The following TTN variants were observed in gnomAD, a reference collection of about 807,000 sequenced individuals.
The protein encoded by TTN is titin.
A neutral mutation model predicts 3,223.0 loss-of-function variants in TTN; 1,525 were observed. The ratio of observed to expected loss-of-function variants is 0.47; its 90% CI spans 0.45 to 0.49. TTN has a LOEUF of 0.49. Among genes scored for constraint, TTN ranks in the 20% least tolerant of loss-of-function variants. The probability of loss-of-function intolerance (pLI) is 0.00; values close to 1 mark genes in which losing one functional copy is unlikely to be tolerated. For synonymous variants in TTN, 14,094 were observed against 15,161.0 expected, an observed-to-expected ratio of 0.93 and a Z score of 5.17; for missense variants, 40,786 against 43,424.0, an observed-to-expected ratio of 0.94 and a Z score of 5.40.
intron 47 of TTN, chr2:178,745,441 G>C: frequency 3.4e-6 from 5 of 1,464,490 alleles, no homozygotes; most frequent in Non-Finnish European, 2.7e-6. Context: ...TTTCTACATA[G>C]AGATTATTTC....
Position 178,713,127 on chromosome 2 carries a change from T to C in TTN, c.27007A>G (p.Met9003Val). ...SGDYTCIATN[M>V]AGSDECSAPL... ...GCACTACATTCATCAGAACCAGCCA[T>C]ATTAGTAGCTATACATGTGTAGTCA... The change falls in exon 93 of 363, where the codon ATG becomes GTG. Residue 9003 changes from methionine to valine, a missense_variant. By Grantham distance (21) the Met-to-Val change is conservative. Coordinates refer to ENST00000589042, the MANE Select transcript of TTN (RefSeq NM_001267550.2). The C allele has an allele frequency of 6.2e-7, 1 of 1,613,766 alleles. No individual in the cohort carries two copies. The highest frequency in any genetic ancestry group is 1.7e-4 in the Middle Eastern group (1 of 6,058).
At chr2:178,641,336 A>T in intron 219 of TTN, 21 bp from the exon 220 acceptor site, 1 of 1,348,246 alleles carries the variant, frequency 7.4e-7, no homozygotes. Flanking sequence ...AAAAAGGTTT[A>T]TATGTAAACC....
chr2:178,574,594 G>A lies in TTN; in HGVS notation c.71538C>T (p.Ser23846=), dbSNP rs1396646210. ...CACCATCAGAAAGTGGCTCATGCCA[G>A]CTAATTGTCATTGAATCCTTGGTAA... ...TAVTKDSMTI[S]WHEPLSDGGS... The change falls in exon 326 of 363, where the codon AGC becomes AGT. Residue 23846 remains serine, a synonymous_variant. Transcript: ENST00000589042. 6.2e-7 allele frequency: 1 copy of A among 1,613,438 alleles called. No individual in the cohort carries two copies. The highest frequency in any genetic ancestry group is 8.5e-7 in the Non-Finnish European group (1 of 1,179,582).
Position 178,588,619 on chromosome 2 carries a change from A to G in TTN, c.63106T>C (p.Phe21036Leu). ...ATTTCATTTTCTGCCTTGACACGGAACTGATATTCATGGTCTGGGAGGAGA... is the reference window on the plus strand; with the variant it reads ...ATTTCATTTTCTGCCTTGACACGGAGCTGATATTCATGGTCTGGGAGGAGA... ...QNLLPDHEYQFRVKAENEIGI... is the reference protein window; with the variant it reads ...QNLLPDHEYQLRVKAENEIGI... The change falls in exon 304 of 363, where the codon TTC (phenylalanine) becomes CTC (leucine). Residue 21036 changes from phenylalanine (F) to leucine (L), a missense_variant. By Grantham distance (22) the Phe-to-Leu change is conservative. Transcript: ENST00000589042. The G allele has an allele frequency of 6.3e-7, 1 of 1,594,130 alleles. No homozygotes were observed. Among genetic ancestry groups the G allele is most frequent in the Non-Finnish European group, 8.5e-7 (1 of 1,171,356 alleles).
chr2:178,581,431 G>T lies in TTN; in HGVS notation c.66769+68C>A, dbSNP rs1438977310. 4.4e-6 allele frequency: 6 copies of T among 1,362,588 alleles called. No individual in the cohort carries two copies. The African/African-American group carries it at 5.8e-5, about 13-fold the overall frequency. The allele number at this position is 1,362,588 out of a possible 1,614,324, so 84.4% of individuals were successfully genotyped here. A position where few individuals can be genotyped will look rare whatever the true frequency, so the allele number is the denominator to read the frequency against. ...TTAATAAATTAATCTACCTAAGGGAGTTCTAGTCTCCCTCTTAGAATATGA... is the reference window on the plus strand; with the variant it reads ...TTAATAAATTAATCTACCTAAGGGATTTCTAGTCTCCCTCTTAGAATATGA... On this transcript the variant is annotated intron_variant, in intron 316 of 362. Coordinates refer to ENST00000589042, the MANE Select transcript of TTN (RefSeq NM_001267550.2).
rs772488778 is a variant in TTN at position 178,581,755 on chromosome 2, G to A, written c.66513C>T (p.Ser22171=). The part of the protein sequence containing the change: ...AFPKVYDTTR[S]SVSLSWGKPA... ...GCTTGCCCCAAGATAGACTCACAGAGCTGCGAGTTGTATCATATACTTTAG... is the reference window on the plus strand; with the variant it reads ...GCTTGCCCCAAGATAGACTCACAGAACTGCGAGTTGTATCATATACTTTAG... The change falls in exon 316 of 363, where the codon AGC becomes AGT. Residue 22171 remains serine (S), a synonymous_variant. Coordinates refer to ENST00000589042, the MANE Select transcript of TTN (RefSeq NM_001267550.2). The A allele has an allele frequency of 1.9e-6, 3 of 1,606,348 alleles. No individual in the cohort carries two copies. Among genetic ancestry groups the A allele is most frequent in the Admixed American group, 1.7e-5 (1 of 58,890 alleles).
Position 178,629,414 on chromosome 2 carries a change from T to C in TTN, c.44311A>G (p.Lys14771Glu). The C allele has an allele frequency of 2.5e-6, 4 of 1,613,046 alleles. No homozygotes were observed. The highest frequency in any genetic ancestry group is 3.4e-6 in the Non-Finnish European group (4 of 1,179,292). ...TCCCCTGCAGTCACGGTGACATCCT[T>C]TAAAGGCCTCAGAAGACCAATTACT... is the stretch of plus-strand genomic sequence containing the variant. Reference protein sequence around the residue: ...PRVIGLLRPLKDVTVTAGETA... With the variant: ...PRVIGLLRPLEDVTVTAGETA... The change falls in exon 240 of 363, where the codon AAG (lysine) becomes GAG (glutamate). Residue 14771 changes from lysine to glutamate, a missense_variant. Transcript: ENST00000589042.
Position 178,684,064 on chromosome 2 carries a change from C to T in TTN, c.32741G>A (p.Arg10914Lys). The T allele has an allele frequency of 6.2e-7, 1 of 1,611,424 alleles. No individual in the cohort carries two copies. The highest frequency in any genetic ancestry group is 8.5e-7 in the Non-Finnish European group (1 of 1,178,862). The change falls in exon 133 of 363, where the codon AGA (arginine) becomes AAA (lysine). Residue 10914 changes from arginine (R) to lysine (K), a missense_variant. Physicochemically the swap from Arg to Lys is conservative, Grantham distance 26 (BLOSUM62 2). Transcript: ENST00000589042. ...CAGAACTTTTTCTTCTGGGACAGCT[C>T]TCTTCGGTTCCTCTGGCACTTTAAA... Reference protein sequence around the residue: ...PKARVPEEPKRAVPEEKVLKL... With the variant: ...PKARVPEEPKKAVPEEKVLKL...
In TTN at chr2:178,568,320, A is replaced by G; in HGVS notation, c.77812T>C (p.Trp25938Arg). 1 of 1,613,468 alleles carries G rather than the reference A, an allele frequency of 6.2e-7. No homozygotes were observed. The highest frequency in any genetic ancestry group is 1.1e-5 in the South Asian group (1 of 91,074). Residue 25938 changes from tryptophan (W) to arginine (R), a missense_variant, in exon 326 of 363, where the codon TGG (tryptophan) becomes CGG (arginine). Transcript: ENST00000589042. ...GCAACAGTAGCAGAAACAACATCCC[A>G]TACTGTGGTGGTTGTATCTCTTTTC... The part of the protein sequence containing the change: ...VQKRDTTTTV[W>R]DVVSATVART...
chr2:178,572,645 T>G lies in TTN; in HGVS notation c.73487A>C (p.Lys24496Thr), dbSNP rs1035751709. Residue 24496 changes from lysine to threonine, a missense_variant, in exon 326 of 363, where the codon AAA becomes ACA. Coordinates refer to ENST00000589042, the MANE Select transcript of TTN (RefSeq NM_001267550.2). ...VGNVNRFDSG[K>T]YILTVENSSG... The stretch of plus-strand genomic sequence containing the variant: ...ACTATTTTCTACAGTTAGTATATAT[T>G]TGCCACTGTCAAATCTGTTTACATT... 6.2e-7 allele frequency: 1 copy of G among 1,613,080 alleles called. No homozygotes were observed. Among genetic ancestry groups the G allele is most frequent in the Non-Finnish European group, 8.5e-7 (1 of 1,179,454 alleles).
At position 178,720,484 on chromosome 2, in the gene TTN, G is replaced by A. The variant is rs759847053; in HGVS notation, c.23278C>T (p.His7760Tyr). Residue 7760 changes from histidine (H) to tyrosine (Y), a missense_variant, in exon 80 of 363, where the codon CAT (histidine) becomes TAT (tyrosine). Transcript: ENST00000589042. ...TCGGAGGCTTCAAGATTAAGGATAT[G>A]AAGACTTGTATCAAAATGTTTTGAA... is the stretch of plus-strand genomic sequence containing the variant. ...ITSKHFDTSL[H>Y]ILNLEASDVG... 7 of 1,613,688 alleles carry A rather than the reference G, an allele frequency of 4.3e-6. No individual in the cohort carries two copies. In the South Asian group the frequency reaches 7.7e-5, roughly 18 times the overall value.
In TTN at chr2:178,577,525, A is replaced by T. The variant is rs532392134; in HGVS notation, c.68825-15T>A. 3 of 1,556,778 alleles carry T rather than the reference A, an allele frequency of 1.9e-6. No homozygotes were observed. The highest frequency in any genetic ancestry group is 2.6e-6 in the Non-Finnish European group (3 of 1,154,892). ...TGTTGGTGCCTCTGCAAAGAAAAAA[A>T]TACATTTTAATCAGAAAAGGAAGGA... is the stretch of plus-strand genomic sequence containing the variant. On this transcript the variant is annotated splice_polypyrimidine_tract_variant and intron_variant, in intron 323 of 362. Coordinates refer to ENST00000589042, the MANE Select transcript of TTN (RefSeq NM_001267550.2).
chr2:178,753,068 G>A, intron 47 of TTN, 56 bp downstream of exon 47: 1 of 1,455,876 alleles, frequency 6.9e-7, no homozygotes, highest in East Asian at 2.3e-5. Flanking sequence ...GCAACTCAAG[G>A]ATCCTATTAA....
Position 178,607,501 on chromosome 2 carries a change from T to C in TTN, c.53187A>G (p.Leu17729=). The C allele has an allele frequency of 6.2e-7, 1 of 1,613,266 alleles. No homozygotes were observed. The highest frequency in any genetic ancestry group is 2.2e-5 in the East Asian group (1 of 44,810). Residue 17729 remains leucine (L), a synonymous_variant, in exon 277 of 363, where the codon CTA becomes CTG. Coordinates refer to ENST00000589042, the MANE Select transcript of TTN (RefSeq NM_001267550.2). ...CTTTTCGCAGTGCATCCTTGATAAT[T>C]AGTTCAGATTTGGTTCCAACGTTGT... is the stretch of plus-strand genomic sequence containing the variant. ...VIDNVGTKSE[L]IIKDALRKDH...
At position 178,730,247 on chromosome 2, in the gene TTN, C is replaced by G; in HGVS notation, c.18153G>C (p.Glu6051Asp). Reference sequence around the variant, plus strand: ...CTGAGCGGGCTGCTCCTGAGTGTAACTCTTTGTTATCTTTAAACCACTTTA... The same window carrying G: ...CTGAGCGGGCTGCTCCTGAGTGTAAGTCTTTGTTATCTTTAAACCACTTTA... Reference protein sequence around the residue: ...MTIKWFKDNKELHSGAARSVW... With the variant: ...MTIKWFKDNKDLHSGAARSVW... The change falls in exon 62 of 363, where the codon GAG becomes GAC. Residue 6051 changes from glutamate (E) to aspartate (D), a missense_variant. By Grantham distance (45) the Glu-to-Asp change is conservative. Coordinates refer to ENST00000589042, the MANE Select transcript of TTN (RefSeq NM_001267550.2). 1 of 1,613,342 alleles carries G rather than the reference C, an allele frequency of 6.2e-7. No homozygotes were observed. Among genetic ancestry groups the G allele is most frequent in the Non-Finnish European group, 8.5e-7 (1 of 1,179,612 alleles).
At chr2:178,667,168 A>G (rs1031416324) in intron 162 of TTN, 68 bp downstream of exon 162, 1 of 1,318,194 alleles carries the variant, frequency 7.6e-7, no homozygotes, top group African/African-American at 1.5e-5. Context: ...TATATTAAAC[A>G]TTAAATATTT....
rs779765346 is a variant in TTN, at chr2:178,575,393, G to C, written c.70739C>G (p.Thr23580Ser). ...EAQRKGSDQW[T>S]HITTVKGLEC... ...TAACCCTTTCACGGTTGTGATGTGG[G>C]TCCACTGGTCAGAGCCTTTTCTTTG... The change falls in exon 326 of 363, where the codon ACC (threonine) becomes AGC (serine). Residue 23580 changes from threonine to serine, a missense_variant. By Grantham distance (58) the Thr-to-Ser change is moderately conservative. Transcript: ENST00000589042. The surrounding 1 kb of genome is among the most constrained non-coding windows in gnomAD (Gnocchi z 4.0). 1.2e-5 allele frequency: 20 copies of C among 1,613,572 alleles called. No individual in the cohort carries two copies. The highest frequency in any genetic ancestry group is 1.5e-5 in the Non-Finnish European group (18 of 1,179,658).
In TTN at chr2:178,567,846, C is replaced by T. The variant is rs370515843; in HGVS notation, c.78286G>A (p.Glu26096Lys). The T allele has an allele frequency of 2.5e-6, 4 of 1,613,360 alleles. No individual in the cohort carries two copies. In the African/African-American group the frequency reaches 5.3e-5, roughly 22 times the overall value. ...TCATTTCTTTTAACCATTATTGGTT[C>T]TGGGGTTCCTGGTGGGTCACAGGGA... ...RDPCDPPGTPEPIMVKRNEIT... is the reference protein window; with the variant it reads ...RDPCDPPGTPKPIMVKRNEIT... Residue 26096 changes from glutamate to lysine, a missense_variant, in exon 326 of 363, where the codon GAA (glutamate) becomes AAA (lysine). Glu to Lys is a moderately conservative substitution (Grantham distance 56, BLOSUM62 1). Transcript: ENST00000589042.
intron 47 of TTN, chr2:178,748,008 C>T: frequency 6.2e-7 from 1 of 1,612,992 alleles, no homozygotes; most frequent in Non-Finnish European, 8.5e-7. Flanking sequence ...GTCCCACCAT[C>T]CTGCTTTGGA....
Sources: gnomAD v4.1 joint callset for allele counts on GRCh38, gnomAD v4.1.1 for gene constraint, Gnocchi (gnomAD v3.1) non-coding constraint, MANE v1.5 for transcripts, NCBI Gene and HGNC (gene_info 2026-07-23, HGNC 2026-07-21) for gene names.